The following TCF4 variants were observed in gnomAD, a reference collection of about 807,000 sequenced individuals.
TCF4 encodes the protein SL3-3 enhancer factor 2.
Under a neutral mutation model 82.1 loss-of-function variants are expected in TCF4, and 3 were observed. The ratio of observed to expected loss-of-function variants is 0.04; its 90% CI spans 0.02 to 0.09. The LOEUF is 0.09. TCF4 is among the 10% of genes least tolerant of loss of function. The pLI is 1.00. For missense variants in TCF4, 518 were observed against 852.7 expected (o/e 0.61, Z 4.89); for synonymous variants, 276 against 309.6 (o/e 0.89, Z 1.14).
intron 2 of TCF4, among the ~76,000 whole-genome samples, chr18:55,612,810 T>C (rs1397167908): frequency 1.3e-5 from 2 of 151,882 alleles, no homozygotes; most frequent in Admixed American, 6.6e-5. Context: ...TACTTGGGCG[T>C]GGTGGTGCGT....
intron 15 of TCF4, among the ~76,000 whole-genome samples, chr18:55,245,529 G>A (rs1057220530): frequency 6.6e-6 from 1 of 152,194 alleles, no homozygotes; most frequent in Non-Finnish European, 1.5e-5. Flanking sequence ...GCCAACTGCT[G>A]GAGCTGCCGT....
intron 8 of TCF4, among the ~76,000 whole-genome samples, chr18:55,345,712 G>A (rs1023359220): frequency 5.3e-5 from 8 of 151,996 alleles, no homozygotes; most frequent in African/African-American, 9.7e-5. Context: ...CCACACAATC[G>A]GCTACTTCCA....
chr18:55,418,295 C>A (rs1199548925), intron 5 of TCF4, among the ~76,000 whole-genome samples: 1 of 152,014 alleles, frequency 6.6e-6, no homozygotes, highest in African/African-American at 2.4e-5. Context: ...CCTGTATATA[C>A]TTTATAAGAA....
At chr18:55,570,548 A>T (rs1183148776) in intron 3 of TCF4, among the ~76,000 whole-genome samples, 1 of 152,178 alleles carries the variant, frequency 6.6e-6, no homozygotes, top group East Asian at 1.9e-4. Context: ...ATAAATATAT[A>T]CAAAGTTGTT....
In TCF4 at chr18:55,620,519, T is replaced by C. The variant is rs527309383; in HGVS notation, c.286+10779A>G. Among the ~76,000 whole-genome samples the C allele has an allele frequency of 2.0e-5, 3 of 152,312 alleles. No individual in the cohort carries two copies. The South Asian group carries it at 6.2e-4, about 32-fold the overall frequency. ...ACCATAGGTTGTTTCATTACATGTG[T>C]TCCTCAGTACTTTGCTAAATACCTT... On this transcript the variant is annotated intron_variant, in intron 2 of 20. Transcript: ENST00000398339.
intron 6 of TCF4, among the ~76,000 whole-genome samples, chr18:55,352,261 T>C (rs1051932591): frequency 6.6e-6 from 1 of 152,192 alleles, no homozygotes; most frequent in African/African-American, 2.4e-5. Flanking sequence ...CAAAGTGGCA[T>C]GTCTTCTAGT....
intron 5 of TCF4, among the ~76,000 whole-genome samples, chr18:55,439,329 G>A (rs2095393829): frequency 6.6e-6 from 1 of 152,156 alleles, no homozygotes; most frequent in Non-Finnish European, 1.5e-5. Context: ...GGACAGCACA[G>A]CACACTGAGC....
intron 15 of TCF4, among the ~76,000 whole-genome samples, chr18:55,253,606 A>C (rs968772491): frequency 7.9e-5 from 12 of 152,228 alleles, no homozygotes; most frequent in African/African-American, 2.9e-4. Context: ...CACAATTGTA[A>C]TATGGACAAA....
intron 6 of TCF4, among the ~76,000 whole-genome samples, chr18:55,353,873 T>C (rs1603299438): frequency 6.6e-6 from 1 of 152,318 alleles, no homozygotes; most frequent in East Asian, 1.9e-4. Flanking sequence ...TTAATAAAAG[T>C]TAAGCTTGAA....
intron 3 of TCF4, among the ~76,000 whole-genome samples, chr18:55,493,116 A>G (rs1023823027): frequency 1.3e-5 from 2 of 152,234 alleles, no homozygotes; most frequent in Admixed American, 6.5e-5. Context: ...TGTTACCAGT[A>G]GTATTTTTCA....
intron 5 of TCF4, among the ~76,000 whole-genome samples, chr18:55,434,586 A>ATT (rs560364171): frequency 1.4e-5 from 2 of 141,774 alleles, no homozygotes; most frequent in Non-Finnish European, 3.1e-5. Flanking sequence ...CGCCCGGCTA[A>ATT]TTTTTTTTTT....
chr18:55,507,957 C>A (rs188583053), intron 3 of TCF4, among the ~76,000 whole-genome samples: 1 of 152,130 alleles, frequency 6.6e-6, no homozygotes, highest in East Asian at 1.9e-4. Flanking sequence ...ATGACTACAA[C>A]CAGGAGGAGA....
intron 3 of TCF4, among the ~76,000 whole-genome samples, chr18:55,571,740 G>GT (rs75627445): frequency 0.25 from 36,651 of 144,464 alleles, 5,071 homozygotes; most frequent in East Asian, 0.41. Flanking sequence ...GGTAGAGGGT[G>GT]TTTTTTTTTT....
At chr18:55,482,104 G>A (rs950228399) in intron 3 of TCF4, 7 of 152,166 alleles carry the variant, frequency 4.6e-5, no homozygotes, top group African/African-American at 1.7e-4. Context: ...AGATACAGTG[G>A]ATCTACTATA....
chr18:55,577,993 A>T (rs1352841899), intron 3 of TCF4, among the ~76,000 whole-genome samples: 1 of 152,144 alleles, frequency 6.6e-6, no homozygotes, highest in Non-Finnish European at 1.5e-5. Context: ...GTCATAATTC[A>T]ATCAAGCTGG....
chr18:55,506,089 G>C (rs1187412495), intron 3 of TCF4, among the ~76,000 whole-genome samples: 1 of 152,182 alleles, frequency 6.6e-6, no homozygotes, highest in East Asian at 1.9e-4. Context: ...TTCAAAGCTG[G>C]AAAGCTTGTG....
At chr18:55,444,546 C>A (rs1347741665) in intron 5 of TCF4, among the ~76,000 whole-genome samples, 1 of 152,162 alleles carries the variant, frequency 6.6e-6, no homozygotes, top group Non-Finnish European at 1.5e-5. Context: ...AGACAATACA[C>A]AATACTAGTT....
chr18:55,559,963 C>T (rs945716734), intron 3 of TCF4, among the ~76,000 whole-genome samples: 1 of 152,142 alleles, frequency 6.6e-6, no homozygotes. Context: ...CAAAACACAG[C>T]TGCTGGATCT....
chr18:55,280,828 T>G (rs2062452941), intron 8 of TCF4, among the ~76,000 whole-genome samples: 1 of 152,170 alleles, frequency 6.6e-6, no homozygotes, highest in African/African-American at 2.4e-5. Context: ...ATTATATAAT[T>G]GCTCTCAGAA....
Sources: allele counts gnomAD v4.1 joint callset (sites outside exome capture counted in the v4.1 genomes callset), GRCh38; gene constraint gnomAD v4.1.1; transcripts MANE v1.5; gene names NCBI Gene and HGNC (gene_info 2026-07-23, HGNC 2026-07-21).